PCDHA2: variants seen among roughly 807,000 people sequenced by gnomAD.
PCDHA2 encodes the protein protocadherin alpha 2.
In PCDHA2, 58 loss-of-function variants were observed where a neutral mutation model predicts 66.0. The ratio of observed to expected loss-of-function variants is 0.88; its 90% CI spans 0.71 to 1.09. PCDHA2 has a LOEUF of 1.09. PCDHA2 is among the 50% of genes least tolerant of loss of function. PCDHA2 has a pLI of 0.00. For missense variants in PCDHA2, 1,267 were observed against 1,242.3 expected (o/e 1.02, Z -0.30); for synonymous variants, 634 against 554.0 (o/e 1.14, Z -2.03).
rs1554141625 is a variant in PCDHA2 at position 140,847,005 on chromosome 5, A to G, written c.2388+49653A>G. On this transcript the variant is annotated intron_variant, in intron 1 of 3. Coordinates refer to ENST00000526136, the MANE Select transcript of PCDHA2 (RefSeq NM_018905.3). Reference sequence around the variant, plus strand: ...AGTTCCCCCCGGGAGAATATTGAGAATGATAGACATTTCTTGGAAAGAGAA... The same window carrying G: ...AGTTCCCCCCGGGAGAATATTGAGAGTGATAGACATTTCTTGGAAAGAGAA... 2.7e-5 allele frequency among the ~76,000 whole-genome samples: 4 copies of G among 149,762 alleles called. 1 individual carries two copies.
chr5:140,988,817 C>T (rs1244038207), intron 3 of PCDHA2: 8 of 152,028 alleles, frequency 5.3e-5, no homozygotes, highest in Admixed American at 1.3e-4. Context: ...TAACAGTAGC[C>T]CCAAACAGAG....
chr5:140,875,813 T>A, intron 1 of PCDHA2: 2 of 1,614,174 alleles, frequency 1.2e-6, no homozygotes, highest in Non-Finnish European at 1.7e-6. Context: ...GACAGGCCGC[T>A]GCAGGTTTTC....
chr5:140,941,573 C>T (rs1220556647), intron 1 of PCDHA2, among the ~76,000 whole-genome samples: 1 of 152,108 alleles, frequency 6.6e-6, no homozygotes, highest in African/African-American at 2.4e-5. Flanking sequence ...CCTCAGCCTC[C>T]CAAAGTGCTG....
intron 1 of PCDHA2, among the ~76,000 whole-genome samples, chr5:140,903,156 T>G (rs1287323901): frequency 6.6e-6 from 1 of 152,232 alleles, no homozygotes; most frequent in Non-Finnish European, 1.5e-5. Flanking sequence ...CCATAGTGGT[T>G]GTGCTGGTTT....
At chr5:140,956,190 T>A (rs1441772845) in intron 1 of PCDHA2, among the ~76,000 whole-genome samples, 1 of 152,208 alleles carries the variant, frequency 6.6e-6, no homozygotes, top group Non-Finnish European at 1.5e-5. Flanking sequence ...CTATGCTGAA[T>A]AGGAGTGGTG....
intron 1 of PCDHA2, chr5:140,836,608 C>G (rs2150265408): frequency 1.9e-6 from 3 of 1,613,518 alleles, no homozygotes; most frequent in Admixed American, 3.3e-5. Flanking sequence ...CTGGTGTGCT[C>G]CAGCGCGGTG....
At chr5:140,875,738 G>C (rs1197047985) in intron 1 of PCDHA2, 1 of 1,614,204 alleles carries the variant, frequency 6.2e-7, no homozygotes, top group Non-Finnish European at 8.5e-7. Context: ...GTGAATTCTC[G>C]GATCGACCGC....
At chr5:140,884,049 TGC>T (rs1554181152) in intron 1 of PCDHA2, 1 of 1,613,414 alleles carries the variant, frequency 6.2e-7, no homozygotes. Context: ...GTGGCGAAGG[TGC>T]GCGCGGTGGA....
At chr5:140,940,611 C>T (rs782735444) in intron 1 of PCDHA2, among the ~76,000 whole-genome samples, 1 of 152,144 alleles carries the variant, frequency 6.6e-6, no homozygotes. Flanking sequence ...CTGCTCCTGG[C>T]TCCTGCAAAT....
chr5:140,917,324 C>CGGGGGGGGGGGGG (rs1299895515), intron 1 of PCDHA2, among the ~76,000 whole-genome samples: 2 of 76,122 alleles, frequency 2.6e-5, no homozygotes, highest in Admixed American at 1.5e-4. Context: ...GTTCATGTGG[C>CGGGGGGGGGGGGG]GGGGGAGGGG....
intron 1 of PCDHA2, among the ~76,000 whole-genome samples, chr5:140,885,639 A>C (rs782628776): frequency 6.6e-6 from 1 of 152,184 alleles, no homozygotes; most frequent in Non-Finnish European, 1.5e-5. Flanking sequence ...TTGCCTTCCA[A>C]GTATTTTGGA....
At chr5:140,873,801 C>G (rs2054500183) in intron 1 of PCDHA2, among the ~76,000 whole-genome samples, 1 of 152,180 alleles carries the variant, frequency 6.6e-6, no homozygotes, top group Non-Finnish European at 1.5e-5. Flanking sequence ...GCTGGGACTA[C>G]AGGCATGCAC....
chr5:140,843,275 A>ACC, intron 1 of PCDHA2: 1 of 1,595,960 alleles, frequency 6.3e-7, no homozygotes, highest in East Asian at 2.2e-5. Flanking sequence ...GGTCCTGGTG[A>ACC]AGGATCATGG....
At position 140,896,858 on chromosome 5, in the gene PCDHA2, A is replaced by T. The variant is rs1448787828; in HGVS notation, c.2389-82091A>T. On this transcript the variant is annotated intron_variant, in intron 1 of 3. Coordinates refer to ENST00000526136, the MANE Select transcript of PCDHA2 (RefSeq NM_018905.3). Reference sequence around the variant, plus strand: ...TATTTTTTAATTTTATGGGTACATAATAAGTGTACATATTTATGGGGTATA... The same window carrying T: ...TATTTTTTAATTTTATGGGTACATATTAAGTGTACATATTTATGGGGTATA... Among the ~76,000 whole-genome samples, 3 of 152,310 alleles carry T rather than the reference A, an allele frequency of 2.0e-5. No homozygotes were observed. In the South Asian group the frequency reaches 6.2e-4, roughly 32 times the overall value.
intron 1 of PCDHA2, among the ~76,000 whole-genome samples, chr5:140,932,798 T>C (rs2153613163): frequency 6.6e-6 from 1 of 151,958 alleles, no homozygotes; most frequent in Middle Eastern, 3.4e-3. Flanking sequence ...AGAAAAGCAA[T>C]ACCTTGGAAA....
intron 1 of PCDHA2, chr5:140,802,689 C>A: frequency 2.5e-6 from 4 of 1,612,930 alleles, no homozygotes; most frequent in Non-Finnish European, 3.4e-6. Context: ...GGTGGAACGG[C>A]GGGTGGGGGA....
chr5:140,976,142 C>T (rs1554237347), intron 1 of PCDHA2, among the ~76,000 whole-genome samples: 2 of 152,138 alleles, frequency 1.3e-5, no homozygotes, highest in Admixed American at 1.3e-4. Context: ...GGATGAAACT[C>T]ATGTACATTT....
intron 1 of PCDHA2, among the ~76,000 whole-genome samples, chr5:140,905,926 A>G (rs1040903041): frequency 6.6e-6 from 1 of 152,318 alleles, no homozygotes; most frequent in East Asian, 1.9e-4. Flanking sequence ...TCTGAGTCCC[A>G]AAGCTGAAGA....
chr5:140,961,255 C>G (rs1446798989), intron 1 of PCDHA2, among the ~76,000 whole-genome samples: 1 of 152,164 alleles, frequency 6.6e-6, no homozygotes, highest in African/African-American at 2.4e-5. Context: ...TCCGAAGCTC[C>G]AGGAAGCTTC....
Sources: allele counts gnomAD v4.1 joint callset (sites outside exome capture counted in the v4.1 genomes callset), GRCh38; gene constraint gnomAD v4.1.1; transcripts MANE v1.5; gene names NCBI Gene and HGNC (gene_info 2026-07-23, HGNC 2026-07-21).